The following TUBGCP5 variants were observed in gnomAD, a reference collection of about 807,000 sequenced individuals.
The protein encoded by TUBGCP5 is gamma-tubulin complex component 5.
TUBGCP5 carries 98 observed loss-of-function variants against 134.7 expected under a neutral mutation model. The observed-to-expected ratio is 0.73, with a 90% CI of 0.62 to 0.86. TUBGCP5 has a LOEUF of 0.86. TUBGCP5 is among the 40% of genes least tolerant of loss of function. TUBGCP5 has a pLI of 0.00. For missense variants in TUBGCP5, 1,150 were observed against 1,244.8 expected (o/e 0.92, Z 1.15); for synonymous variants, 456 against 431.4 (o/e 1.06, Z -0.71).
At chr15:23,030,760 T>C in intron 6 of TUBGCP5, 125 bp downstream of exon 6, 1 of 1,016,558 alleles carries the variant, frequency 9.8e-7, no homozygotes. Context: ...GTTTTAAAAA[T>C]TGGTTTTATA....
At chr15:23,030,600 TTAAAAAA>T (rs1256175897) in intron 6 of TUBGCP5, among the ~76,000 whole-genome samples, 1 of 118,768 alleles carries the variant, frequency 8.4e-6, no homozygotes, top group South Asian at 2.9e-4. Context: ...CCTTCTCCAA[TTAAAAAA>T]AAAAAAAAAA....
At chr15:23,015,966 A>G (rs2065289340) in intron 13 of TUBGCP5, among the ~76,000 whole-genome samples, 1 of 152,210 alleles carries the variant, frequency 6.6e-6, no homozygotes, top group Non-Finnish European at 1.5e-5. Flanking sequence ...GCAAAGAAAC[A>G]TGACACCTCC....
At position 23,013,427 on chromosome 15, in the gene TUBGCP5, C is replaced by G. The variant is rs1392594238; in HGVS notation, c.1757-2096G>C. Among the ~76,000 whole-genome samples, 1 of 151,412 alleles carries G rather than the reference C, an allele frequency of 6.6e-6. No individual in the cohort carries two copies. Among genetic ancestry groups the G allele is most frequent in the African/African-American group, 2.4e-5 (1 of 41,190 alleles). On this transcript the variant is annotated intron_variant, in intron 13 of 22. Coordinates refer to ENST00000615383, the MANE Select transcript of TUBGCP5 (RefSeq NM_052903.6). This position sits in a 1 kb window ranked among gnomAD's most constrained non-coding sequence, Gnocchi z 4.5. ...CGCCGCTGCACTCCAGCCTGGGCGA[C>G]AGGGAAAGACTCCGTCTCAAAAAAA...
chr15:23,000,731 G>T, intron 21 of TUBGCP5, 62 bp from the exon 22 acceptor site: 3 of 1,176,442 alleles, frequency 2.6e-6, no homozygotes, highest in Non-Finnish European at 3.6e-6. Flanking sequence ...TAGGCTTCAA[G>T]ATATCTGTGG....
intron 16 of TUBGCP5, among the ~76,000 whole-genome samples, chr15:23,007,398 G>T (rs369760458): frequency 1.3e-5 from 2 of 152,072 alleles, no homozygotes; most frequent in Non-Finnish European, 2.9e-5. Flanking sequence ...TCAAAAAAAA[G>T]AATTTTTAGC....
At chr15:23,031,374 T>C (rs2066302489) in intron 5 of TUBGCP5, among the ~76,000 whole-genome samples, 1 of 151,958 alleles carries the variant, frequency 6.6e-6, no homozygotes, top group Middle Eastern at 3.4e-3. Flanking sequence ...TGGAGTGCAA[T>C]AGCACGATCT....
chr15:22,999,888 G>A (rs757125345), intron 22 of TUBGCP5, 22 bp from the exon 23 acceptor site: 2 of 1,612,578 alleles, frequency 1.2e-6, no homozygotes, highest in South Asian at 2.2e-5. Context: ...ATAAAAATAA[G>A]GTTAAAACAA....
intron 6 of TUBGCP5, 108 bp from the exon 7 acceptor site, chr15:23,027,414 A>G: frequency 1.3e-6 from 1 of 784,838 alleles, no homozygotes; most frequent in Non-Finnish European, 2.1e-6. Flanking sequence ...TGGCTTTTTA[A>G]AAATAACAGC....
At chr15:23,017,344 TA>T (rs1241134650) in intron 13 of TUBGCP5, among the ~76,000 whole-genome samples, 1 of 152,102 alleles carries the variant, frequency 6.6e-6, no homozygotes, top group Non-Finnish European at 1.5e-5. Context: ...CATAAAGAAG[TA>T]GTAAATGTTT....
At position 23,008,921 on chromosome 15, in the gene TUBGCP5, A is replaced by G. The variant is rs761578443; in HGVS notation, c.2145-40T>C. On this transcript the variant is annotated intron_variant, in intron 15 of 22. Transcript: ENST00000615383. Reference sequence around the variant, plus strand: ...AATGAGTGACACTAAGATCTCTGGCATTCGTAAGGCAGGATTCTGGATCAA... The same window carrying G: ...AATGAGTGACACTAAGATCTCTGGCGTTCGTAAGGCAGGATTCTGGATCAA... 6 of 1,482,856 alleles carry G rather than the reference A, an allele frequency of 4.0e-6. No homozygotes were observed. In the East Asian group the frequency reaches 1.3e-4, roughly 31 times the overall value. 91.9% of individuals were successfully genotyped at this position (1,482,856 alleles called of 1,614,324 possible).
rs776491474 is a variant in TUBGCP5, at chr15:23,017,938, C to T, written c.1591G>A (p.Ala531Thr). The T allele has an allele frequency of 3.5e-5, 56 of 1,614,040 alleles. No individual in the cohort carries two copies. Among genetic ancestry groups the T allele is most frequent in the Non-Finnish European group, 4.7e-5 (55 of 1,180,024 alleles). Residue 531 changes from alanine to threonine, a missense_variant, in exon 13 of 23, where the codon GCT (alanine) becomes ACT (threonine). Around this residue, in one of 2 missense-constraint regions of TUBGCP5, gnomAD observed 697 missense variants for 850.1 expected, o/e 0.82. Coordinates refer to ENST00000615383, the MANE Select transcript of TUBGCP5 (RefSeq NM_052903.6). ...TENEEKMSDN[A>T]SASSGSDQGP... ...TGGTCACTGCCGGAACTCGCACTAG[C>T]GTTATCACTCATTTTTTCTTCATTT...
chr15:23,007,626 G>A (rs1397675026), intron 16 of TUBGCP5, among the ~76,000 whole-genome samples: 4 of 152,124 alleles, frequency 2.6e-5, no homozygotes, highest in South Asian at 2.1e-4. Flanking sequence ...ACAGGGGGGC[G>A]GGAGGACAGC....
intron 23 of TUBGCP5, among the ~76,000 whole-genome samples, chr15:22,987,303 T>G (rs1359332042): frequency 6.9e-6 from 1 of 144,538 alleles, no homozygotes; most frequent in Non-Finnish European, 1.5e-5. Flanking sequence ...CATTGTGCAC[T>G]CCAGCCTGGG....
At chr15:23,035,955 T>C (rs2066565246) in intron 3 of TUBGCP5, among the ~76,000 whole-genome samples, 1 of 152,180 alleles carries the variant, frequency 6.6e-6, no homozygotes, top group East Asian at 1.9e-4. Flanking sequence ...AAAGGAACTA[T>C]AAAGAATTGA....
intron 22 of TUBGCP5, 139 bp from the exon 23 acceptor site, chr15:23,000,005 G>T (rs1378888750): frequency 1.3e-6 from 1 of 766,732 alleles, no homozygotes; most frequent in South Asian, 1.7e-5. Context: ...CTGCCTCCCG[G>T]GTTCAAGCAA....
intron 23 of TUBGCP5, among the ~76,000 whole-genome samples, chr15:22,992,048 T>C (rs925948455): frequency 2.0e-5 from 3 of 152,168 alleles, no homozygotes; most frequent in Admixed American, 6.5e-5. Flanking sequence ...CTCTGGTCTC[T>C]CTTAGTCATT....
At chr15:23,007,500 A>G (rs894858512) in intron 16 of TUBGCP5, among the ~76,000 whole-genome samples, 27 of 152,186 alleles carry the variant, frequency 1.8e-4, no homozygotes, top group Non-Finnish European at 3.7e-4. Context: ...TGAGCAGGCA[A>G]TAGAAAGCCA....
intron 13 of TUBGCP5, among the ~76,000 whole-genome samples, chr15:23,011,886 CG>C (rs532953057): frequency 0.02 from 2,997 of 149,300 alleles, 55 homozygotes; most frequent in Non-Finnish European, 0.028. Context: ...GAGGCTGAGG[CG>C]GGTGGATCAC....
intron 23 of TUBGCP5, among the ~76,000 whole-genome samples, chr15:22,990,760 G>C (rs973124343): frequency 1.3e-5 from 2 of 152,174 alleles, no homozygotes; most frequent in Non-Finnish European, 2.9e-5. Flanking sequence ...CTAAGTTCTT[G>C]AGATGGGATC....
Sources: gnomAD v4.1 joint callset for allele counts (sites outside exome capture counted in the v4.1 genomes callset) on GRCh38, gnomAD v4.1.1 for gene constraint, gnomAD v4.1.1 regional missense constraint, Gnocchi (gnomAD v3.1) non-coding constraint, MANE v1.5 for transcripts, NCBI Gene and HGNC (gene_info 2026-07-23, HGNC 2026-07-21) for gene names.